The following TSHZ3 variants were observed in gnomAD, a reference collection of about 807,000 sequenced individuals.
TSHZ3 encodes teashirt homolog 3.
A neutral mutation model predicts 64.5 loss-of-function variants in TSHZ3; 10 were observed. The observed-to-expected ratio is 0.16, with a 90% CI of 0.10 to 0.26. TSHZ3 has a LOEUF of 0.26. Ranked by LOEUF, TSHZ3 falls within the 10% of genes least tolerant of loss-of-function variation. The pLI is 1.00. For missense variants in TSHZ3, 1,242 were observed against 1,421.7 expected, an observed-to-expected ratio of 0.87 and a Z score of 2.03; for synonymous variants, 608 against 593.1, an observed-to-expected ratio of 1.03 and a Z score of -0.36.
At chr19:31,205,212 T>C (rs1227588266) in intron 4 of TSHZ3, among the ~76,000 whole-genome samples, 1 of 152,130 alleles carries the variant, frequency 6.6e-6, no homozygotes, top group African/African-American at 2.4e-5. Context: ...TGGGGCCAAG[T>C]GCCTTACACT....
intron 1 of TSHZ3, among the ~76,000 whole-genome samples, chr19:31,283,944 C>A (rs541479018): frequency 6.6e-6 from 1 of 152,158 alleles, no homozygotes; most frequent in Non-Finnish European, 1.5e-5. Context: ...GCAGGGCTGT[C>A]GAGAACCTGG....
At chr19:31,227,412 A>C (rs1305627882) in intron 4 of TSHZ3, among the ~76,000 whole-genome samples, 1 of 152,162 alleles carries the variant, frequency 6.6e-6, no homozygotes, top group East Asian at 1.9e-4. Flanking sequence ...CAATTTGAGG[A>C]GGAAAAAAAC....
chr19:31,339,362 C>G (rs942458278), intron 1 of TSHZ3, among the ~76,000 whole-genome samples: 2 of 152,058 alleles, frequency 1.3e-5, no homozygotes, highest in African/African-American at 2.4e-5. Context: ...GCCAATCTCC[C>G]ACCCGCCACG....
At chr19:31,197,979 AC>A (rs1975016443) in intron 5 of TSHZ3, among the ~76,000 whole-genome samples, 1 of 152,100 alleles carries the variant, frequency 6.6e-6, no homozygotes, top group African/African-American at 2.4e-5. Context: ...CTAAAACCAG[AC>A]AAAAAGACAT....
intron 1 of TSHZ3, among the ~76,000 whole-genome samples, chr19:31,263,904 G>A (rs1054004523): frequency 2.0e-5 from 3 of 152,196 alleles, no homozygotes; most frequent in Non-Finnish European, 4.4e-5. Flanking sequence ...TGAGTTGTAC[G>A]GGGTAGCAGA....
chr19:31,159,178 C>T (rs184785227), intron 5 of TSHZ3, among the ~76,000 whole-genome samples: 185 of 152,184 alleles, frequency 1.2e-3, no homozygotes, highest in African/African-American at 4.3e-3. Context: ...TTTTGTATTT[C>T]TTGTGGAGAT....
In TSHZ3 at chr19:31,277,042, G is replaced by C. The variant is rs1357887019; in HGVS notation, c.2751C>G (p.Thr917=). 1.2e-6 allele frequency: 2 copies of C among 1,610,378 alleles called. No homozygotes were observed. The highest frequency in any genetic ancestry group is 1.7e-6 in the Non-Finnish European group (2 of 1,177,512). Residue 917 remains threonine (T), a synonymous_variant, in exon 2 of 2, where the codon ACC becomes ACG. Coordinates refer to ENST00000240587, the MANE Select transcript of TSHZ3 (RefSeq NM_020856.4). This position sits in a 1 kb window ranked among gnomAD's most constrained non-coding sequence, Gnocchi z 4.5. ...QAQFAASLRQ[T]SEGKYIMSDL... is the part of the protein sequence containing the mutation. The stretch of plus-strand genomic sequence containing the variant: ...CTGACATGATGTACTTCCCTTCTGA[G>C]GTCTGCCGGAGGCTGGCGGCAAACT...
chr19:31,206,094 TG>T (rs1975165838), intron 4 of TSHZ3, among the ~76,000 whole-genome samples: 1 of 150,836 alleles, frequency 6.6e-6, no homozygotes, highest in Non-Finnish European at 1.5e-5. Flanking sequence ...GATGGATGGA[TG>T]GATGGATGGA....
At chr19:31,162,012 T>C (rs1974379859) in intron 5 of TSHZ3, among the ~76,000 whole-genome samples, 1 of 152,192 alleles carries the variant, frequency 6.6e-6, no homozygotes, top group Non-Finnish European at 1.5e-5. Context: ...CACTTTCACA[T>C]ATGTCTAGCT....
chr19:31,349,605 G>GCC (rs370409128), upstream of TSHZ3: 181 of 127,574 alleles, frequency 1.4e-3, 3 homozygotes, highest in African/African-American at 2.6e-3. Context: ...CGGCGGCCCT[G>GCC]CCCCCCCCCG....
At chr19:31,174,662 G>A (rs531271869) in intron 5 of TSHZ3, among the ~76,000 whole-genome samples, 2 of 152,270 alleles carry the variant, frequency 1.3e-5, no homozygotes, top group African/African-American at 4.8e-5. Context: ...TCCACCAGCT[G>A]TTTCTTGAAT....
Position 31,250,615 on chromosome 19 carries a change from AT to A in TSHZ3, n.64-7741del, listed in dbSNP as rs201684921. 2.5e-4 allele frequency among the ~76,000 whole-genome samples: 38 copies of A among 152,224 alleles called. 2 individuals carry two copies. Among genetic ancestry groups the A allele is most frequent in the Admixed American group, 1.1e-3 (17 of 15,290 alleles). The stretch of plus-strand genomic sequence containing the variant: ...CAATTCTAAGTGGAATACGCTAAGT[AT>A]TTTTTTTATAATAAAACCGTTTTGG... On this transcript the variant is annotated intron_variant and non_coding_transcript_variant, in intron 1 of 6. Coordinates refer to the TSHZ3 transcript ENST00000651361.
chr19:31,278,519 A>G lies in TSHZ3; in HGVS notation c.1274T>C (p.Ile425Thr), dbSNP rs780582881. Residue 425 changes from isoleucine to threonine, a missense_variant, in exon 2 of 2, where the codon ATT becomes ACT. Transcript: ENST00000240587. The surrounding 1 kb of genome is among the most constrained non-coding windows in gnomAD (Gnocchi z 4.7). ...GGTAGGTGTGACAGGCGTCTCCACA[A>G]TGGGCTTCCCCTTTTTCATAGCAGA... Reference protein sequence around the residue: ...TNSAMKKGKPIVETPVTPTIT... With the variant: ...TNSAMKKGKPTVETPVTPTIT... The G allele has an allele frequency of 5.0e-6, 8 of 1,614,018 alleles. No homozygotes were observed. Among genetic ancestry groups the G allele is most frequent in the Middle Eastern group, 1.6e-4 (1 of 6,084 alleles).
At chr19:31,220,222 G>A (rs1271797816) in intron 4 of TSHZ3, among the ~76,000 whole-genome samples, 1 of 152,204 alleles carries the variant, frequency 6.6e-6, no homozygotes, top group Admixed American at 6.5e-5. Context: ...AGCATCGGCT[G>A]CAACTTTAAG....
At position 31,276,463 on chromosome 19, in the gene TSHZ3, GAAC is replaced by G. The variant is rs1244273784; in HGVS notation, c.*81_*83del. The stretch of plus-strand genomic sequence containing the variant: ...CAGTTAAAATAAGAACATGTGCCAA[GAAC>G]AACAAGTCAGAGGGGGCCTGAAGGT... On this transcript the variant is annotated 3_prime_UTR_variant, in exon 2 of 2. Transcript: ENST00000240587. The G allele has an allele frequency of 1.5e-5, 19 of 1,307,984 alleles. 1 individual carries two copies. The South Asian group carries it at 1.8e-4, about 12-fold the overall frequency. The allele number at this position is 1,307,984 out of a possible 1,614,324, so 81.0% of individuals were successfully genotyped here. A position where few individuals can be genotyped will look rare whatever the true frequency, so the allele number is the denominator to read the frequency against.
intron 3 of TSHZ3, among the ~76,000 whole-genome samples, chr19:31,241,758 C>A (rs1248176484): frequency 6.6e-6 from 1 of 152,250 alleles, no homozygotes; most frequent in Non-Finnish European, 1.5e-5. Context: ...CGGCAGGGGA[C>A]TGAATGACCA....
intron 1 of TSHZ3, among the ~76,000 whole-genome samples, chr19:31,248,638 A>G (rs1423397626): frequency 2.0e-5 from 3 of 149,142 alleles, no homozygotes; most frequent in African/African-American, 7.5e-5. Flanking sequence ...AAAAGTTTAA[A>G]AGACTAGCAA....
intron 5 of TSHZ3, among the ~76,000 whole-genome samples, chr19:31,162,401 T>G (rs1199691926): frequency 6.6e-6 from 1 of 152,174 alleles, no homozygotes; most frequent in Non-Finnish European, 1.5e-5. Context: ...ATAATTTATG[T>G]GAGTCTTGCA....
chr19:31,213,261 G>A (rs542974043), intron 4 of TSHZ3, among the ~76,000 whole-genome samples: 1 of 146,708 alleles, frequency 6.8e-6, no homozygotes, highest in South Asian at 2.2e-4. Context: ...GGAGGCTGAG[G>A]CAGGAGAATT....
Sources: gnomAD v4.1 joint callset for allele counts (sites outside exome capture counted in the v4.1 genomes callset) on GRCh38, gnomAD v4.1.1 for gene constraint, Gnocchi (gnomAD v3.1) non-coding constraint, MANE v1.5 for transcripts, NCBI Gene and HGNC (gene_info 2026-07-23, HGNC 2026-07-21) for gene names.